The following CLIC6 variants were observed in gnomAD, a reference collection of about 807,000 sequenced individuals.
CLIC6 encodes the protein CLIC family member 6.
CLIC6 carries 39 observed loss-of-function variants against 49.2 expected under a neutral mutation model. The ratio of observed to expected loss-of-function variants is 0.79; its 90% confidence interval spans 0.61 to 1.04. The LOEUF (loss-of-function observed/expected upper bound fraction) is 1.04. CLIC6 is among the 50% of genes least tolerant of loss of function. The probability of loss-of-function intolerance (pLI) is 0.00; values close to 1 mark genes in which losing one functional copy is unlikely to be tolerated. For missense variants in CLIC6, 988 were observed against 993.1 expected (o/e 0.99, Z 0.07); for synonymous variants, 446 against 433.4 (o/e 1.03, Z -0.36).
Position 34,716,526 on chromosome 21 carries a change from G to T in CLIC6, c.*44G>T. ...CTTATTTCTCAGTTGAGTGAGCAAGGATACGAAAACAGTGTGTTTGAAAAC... is the reference window on the plus strand; with the variant it reads ...CTTATTTCTCAGTTGAGTGAGCAAGTATACGAAAACAGTGTGTTTGAAAAC... On this transcript the variant is annotated 3_prime_UTR_variant, in exon 6 of 6. Coordinates refer to ENST00000349499, the MANE Select transcript of CLIC6 (RefSeq NM_053277.3). 1 of 1,533,854 alleles carries T rather than the reference G, an allele frequency of 6.5e-7. No homozygotes were observed. Among genetic ancestry groups the T allele is most frequent in the Non-Finnish European group, 8.8e-7 (1 of 1,132,812 alleles).
rs75265986 is a variant in CLIC6 at position 34,702,293 on chromosome 21, C to A, written c.1375-4987C>A. 5.6e-3 allele frequency among the ~76,000 whole-genome samples: 860 copies of A among 152,258 alleles called. 9 individuals carry two copies. Among genetic ancestry groups the A allele is most frequent in the African/African-American group, 0.02 (817 of 41,544 alleles). On this transcript the variant is annotated intron_variant, in intron 1 of 5. Coordinates refer to ENST00000349499, the MANE Select transcript of CLIC6 (RefSeq NM_053277.3). The stretch of plus-strand genomic sequence containing the variant: ...GCTGAAACCTGCCCGTGTCCCAGGA[C>A]CGTCTGCAGGGGATGGGACAATCTC...
chr21:34,707,899 G>A, intron 2 of CLIC6, 45 bp from the exon 3 acceptor site: 2 of 1,610,138 alleles, frequency 1.2e-6, no homozygotes, highest in Non-Finnish European at 1.7e-6. Context: ...AATGAGTCCA[G>A]ATTCTCACGG....
At chr21:34,681,547 G>T (rs1989780955) in intron 1 of CLIC6, among the ~76,000 whole-genome samples, 1 of 152,176 alleles carries the variant, frequency 6.6e-6, no homozygotes, top group Non-Finnish European at 1.5e-5. Flanking sequence ...TCATCTGAAG[G>T]ACTTATTAGG....
rs773237192 is a variant in CLIC6, at chr21:34,716,863, C to CTCTCTCTCT, written c.*381_*382insTCTCTCTCT. The CTCTCTCTCT allele has an allele frequency of 1.2e-4, 2 of 17,032 alleles. No homozygotes were observed. The highest frequency in any genetic ancestry group is 9.2e-4 in the African/African-American group (2 of 2,180). 1.1% of individuals were successfully genotyped at this position (17,032 alleles called of 1,614,324 possible). On this transcript the variant is annotated 3_prime_UTR_variant, in exon 6 of 6. Transcript: ENST00000349499. ...TCTCTCTCTCTCTCTCTCTCTCTAT[C>CTCTCTCTCT]ACACACACACACACACACACACACA...
intron 5 of CLIC6, among the ~76,000 whole-genome samples, chr21:34,712,354 A>G (rs1387414999): frequency 6.6e-6 from 1 of 152,246 alleles, no homozygotes; most frequent in African/African-American, 2.4e-5. Context: ...TTGTAAAACT[A>G]CAAAGGGATG....
At position 34,670,608 on chromosome 21, in the gene CLIC6, C is replaced by T. The variant is rs1264617879; in HGVS notation, c.1220C>T (p.Ala407Val). ...SPHGEASRGA[A>V]EPEAQLSNHL... ...CATGGGGAGGCCTCCAGGGGCGCCG[C>T]GGAGCCTGAGGCCCAGCTCAGCAAC... Residue 407 changes from alanine (A) to valine (V), a missense_variant, in exon 1 of 6, where the codon GCG becomes GTG. Coordinates refer to ENST00000349499, the MANE Select transcript of CLIC6 (RefSeq NM_053277.3). 8.4e-6 allele frequency: 13 copies of T among 1,541,084 alleles called. No homozygotes were observed. The highest frequency in any genetic ancestry group is 2.0e-5 in the Admixed American group (1 of 49,770).
rs756513353 is a variant in CLIC6, at chr21:34,716,371, C to G, written c.1950C>G (p.Gly650=). 3.1e-6 allele frequency: 5 copies of G among 1,613,460 alleles called. No homozygotes were observed. The highest frequency in any genetic ancestry group is 4.2e-6 in the Non-Finnish European group (5 of 1,179,698). Residue 650 remains glycine (G), a synonymous_variant, in exon 6 of 6, where the codon GGC becomes GGG. Transcript: ENST00000349499. ...RDFEFPSEMT[G]IWRYLNNAYA... The stretch of plus-strand genomic sequence containing the variant: ...TTGAATTTCCTTCTGAAATGACTGG[C>G]ATCTGGAGATACTTGAATAATGCTT...
intron 1 of CLIC6, among the ~76,000 whole-genome samples, chr21:34,676,570 G>C (rs940145189): frequency 2.0e-5 from 3 of 152,208 alleles, no homozygotes; most frequent in Admixed American, 2.0e-4. Flanking sequence ...TTTGCATGCT[G>C]TTTGACACAT....
At chr21:34,711,052 G>A (rs142481512) in intron 5 of CLIC6, among the ~76,000 whole-genome samples, 121 of 152,242 alleles carry the variant, frequency 7.9e-4, no homozygotes, top group African/African-American at 2.7e-3. Context: ...TATGTCCTTG[G>A]CCCTTAGCAG....
intron 1 of CLIC6, among the ~76,000 whole-genome samples, chr21:34,680,414 A>T (rs1239959768): frequency 1.3e-5 from 2 of 152,260 alleles, no homozygotes; most frequent in Non-Finnish European, 2.9e-5. Context: ...GGGTTGCCAC[A>T]AAGGTCACTG....
At chr21:34,675,228 C>T (rs906748676) in intron 1 of CLIC6, among the ~76,000 whole-genome samples, 9 of 150,858 alleles carry the variant, frequency 6.0e-5, no homozygotes, top group African/African-American at 2.2e-4. Flanking sequence ...AGCACTGTCA[C>T]CCAGAAATGA....
intron 1 of CLIC6, among the ~76,000 whole-genome samples, chr21:34,680,200 G>T (rs1989750240): frequency 6.6e-6 from 1 of 152,262 alleles, no homozygotes; most frequent in African/African-American, 2.4e-5. Context: ...CTGTGCACCA[G>T]CAGGCCCAAC....
chr21:34,705,850 C>T (rs868860251), intron 1 of CLIC6, among the ~76,000 whole-genome samples: 2 of 152,210 alleles, frequency 1.3e-5, no homozygotes, highest in Admixed American at 6.5e-5. Flanking sequence ...ATCTCTTGCC[C>T]GAGATTGGAC....
chr21:34,706,672 T>G (rs572241775), intron 1 of CLIC6, among the ~76,000 whole-genome samples: 1 of 152,214 alleles, frequency 6.6e-6, no homozygotes, highest in Non-Finnish European at 1.5e-5. Context: ...CCCTGAATCA[T>G]GCAGGAAGCT....
rs1036515172 is a variant in CLIC6 at position 34,707,825 on chromosome 21, A to G, written c.1485-119A>G. On this transcript the variant is annotated intron_variant, in intron 2 of 5. Coordinates refer to ENST00000349499, the MANE Select transcript of CLIC6 (RefSeq NM_053277.3). ...AGCAAGACATTTTCATAAACCCACC[A>G]TCTACTTTGCAGTTCTCAAGAGTTG... 6 of 1,008,164 alleles carry G rather than the reference A, an allele frequency of 6.0e-6. No homozygotes were observed. In the African/African-American group the frequency reaches 6.5e-5, roughly 11 times the overall value. The allele number at this position is 1,008,164 out of a possible 1,614,324, so 62.5% of individuals were successfully genotyped here.
chr21:34,686,476 G>A (rs906709886), intron 1 of CLIC6, among the ~76,000 whole-genome samples: 1 of 152,208 alleles, frequency 6.6e-6, no homozygotes, highest in Non-Finnish European at 1.5e-5. Flanking sequence ...ATCATATAGT[G>A]TGGTGGATTA....
At position 34,682,557 on chromosome 21, in the gene CLIC6, T is replaced by C. The variant is rs974138599; in HGVS notation, c.1374+11795T>C. ...TGATGTTAAAGAAGTTAGACTTTTG[T>C]CTGTCACATGTGTTCCATATATTTT... On this transcript the variant is annotated intron_variant, in intron 1 of 5. Coordinates refer to ENST00000349499, the MANE Select transcript of CLIC6 (RefSeq NM_053277.3). Among the ~76,000 whole-genome samples the C allele has an allele frequency of 2.9e-4, 44 of 152,292 alleles. 1 individual carries two copies. Among genetic ancestry groups the C allele is most frequent in the Admixed American group, 2.7e-3 (41 of 15,302 alleles).
chr21:34,670,506 G>T lies in CLIC6; in HGVS notation c.1118G>T (p.Arg373Ile), dbSNP rs1009884829. ...CAGGAGCCGGGGGAGGACGAAGAGAGACGAGAGCGGAGCCCGGAGGGGCCA... is the reference window on the plus strand; with the variant it reads ...CAGGAGCCGGGGGAGGACGAAGAGATACGAGAGCGGAGCCCGGAGGGGCCA... ...PQQEPGEDEE[R>I]RERSPEGPRE... The change falls in exon 1 of 6, where the codon AGA (arginine) becomes ATA (isoleucine). Residue 373 changes from arginine (R) to isoleucine (I), a missense_variant. Arg to Ile is a moderately conservative substitution (Grantham distance 97, BLOSUM62 -3). Around this residue, in one of 3 missense-constraint regions of CLIC6, gnomAD observed 647 missense variants for 596.9 expected, o/e 1.08. Transcript: ENST00000349499. 154 of 1,495,092 alleles carry T rather than the reference G, an allele frequency of 1.0e-4. No individual in the cohort carries two copies. The highest frequency in any genetic ancestry group is 1.1e-4 in the Non-Finnish European group (127 of 1,121,958). The allele number at this position is 1,495,092 out of a possible 1,614,324, so 92.6% of individuals were successfully genotyped here.
intron 1 of CLIC6, among the ~76,000 whole-genome samples, chr21:34,688,397 A>G (rs992425894): frequency 1.3e-5 from 2 of 152,106 alleles, no homozygotes; most frequent in Non-Finnish European, 2.9e-5. Flanking sequence ...AAAGACGGAG[A>G]ACGACGGTTC....
Sources: allele counts gnomAD v4.1 joint callset (sites outside exome capture counted in the v4.1 genomes callset), GRCh38; gene constraint gnomAD v4.1.1; regional missense constraint gnomAD v4.1.1; transcripts MANE v1.5; gene names NCBI Gene and HGNC (gene_info 2026-07-23, HGNC 2026-07-21).